The following PDE5A variants were observed in gnomAD, a reference collection of about 807,000 sequenced individuals.
The protein encoded by PDE5A is phosphodiesterase 5A, also known as cGMP-specific 3',5'-cyclic phosphodiesterase.
Under a neutral mutation model 110.2 loss-of-function variants are expected in PDE5A, and 67 were observed. That is an observed-to-expected ratio of 0.61 (90% CI 0.50 to 0.75). The LOEUF (loss-of-function observed/expected upper bound fraction) is 0.75. Among genes scored for constraint, PDE5A ranks in the 30% least tolerant of loss-of-function variants. The pLI, the probability that PDE5A is intolerant of heterozygous loss-of-function variation, is 0.00. For synonymous variants in PDE5A, 328 were observed against 351.2 expected (o/e 0.93, Z 0.74); for missense variants, 862 against 1,045.1 (o/e 0.82, Z 2.42).
chr4:119,580,685 G>C (rs778895071), intron 3 of PDE5A, among the ~76,000 whole-genome samples: 30 of 152,164 alleles, frequency 2.0e-4, no homozygotes, highest in Non-Finnish European at 3.4e-4. Context: ...ATGGAGAGAA[G>C]AAACTTGCTC....
At chr4:119,606,644 T>C in intron 2 of PDE5A, 65 bp downstream of exon 2, 1 of 1,137,358 alleles carries the variant, frequency 8.8e-7, no homozygotes, top group Non-Finnish European at 1.3e-6. Context: ...GCCCCAGCCA[T>C]AGTACCCGCC....
chr4:119,576,292 A>C lies in PDE5A; in HGVS notation c.832-9148T>G, dbSNP rs553906554. ...AGACAGATGAACGAGACAGAGAGTT[A>C]ACAAGGATATCCAGGACTTGAACTC... On this transcript the variant is annotated intron_variant, in intron 3 of 20. Transcript: ENST00000354960. 1.1e-4 allele frequency among the ~76,000 whole-genome samples: 17 copies of C among 152,328 alleles called. No individual in the cohort carries two copies. The East Asian group carries it at 3.3e-3, about 29-fold the overall frequency.
intron 9 of PDE5A, among the ~76,000 whole-genome samples, chr4:119,544,986 G>C (rs994086763): frequency 6.6e-6 from 1 of 152,008 alleles, no homozygotes; most frequent in African/African-American, 2.4e-5. Flanking sequence ...TATAGATATA[G>C]ATCTATAGGC....
chr4:119,618,610 C>T (rs746364000), intron 1 of PDE5A, among the ~76,000 whole-genome samples: 7 of 151,716 alleles, frequency 4.6e-5, no homozygotes, highest in Non-Finnish European at 7.4e-5. Flanking sequence ...TTTTTCAGTA[C>T]TACTTAGAGA....
chr4:119,553,455 T>A lies in PDE5A; in HGVS notation c.1308+183A>T, dbSNP rs536856047. Among the ~76,000 whole-genome samples, 6 of 152,270 alleles carry A rather than the reference T, an allele frequency of 3.9e-5. No individual in the cohort carries two copies. The South Asian group carries it at 1.0e-3, about 26-fold the overall frequency. On this transcript the variant is annotated intron_variant, in intron 8 of 20. Coordinates refer to ENST00000354960, the MANE Select transcript of PDE5A (RefSeq NM_001083.4). ...GGTGAAAAAAGTACAAAGAAAAATG[T>A]CCAGCTACAGCTCTCAATAGATGTT...
intron 1 of PDE5A, among the ~76,000 whole-genome samples, chr4:119,621,924 A>C (rs1035619044): frequency 6.6e-6 from 1 of 152,154 alleles, no homozygotes; most frequent in Non-Finnish European, 1.5e-5. Context: ...TAATCCCAGC[A>C]CTTTGGGAGG....
At chr4:119,584,718 C>T (rs1728696925) in intron 3 of PDE5A, among the ~76,000 whole-genome samples, 1 of 152,172 alleles carries the variant, frequency 6.6e-6, no homozygotes, top group Non-Finnish European at 1.5e-5. Flanking sequence ...CATTAGAAGG[C>T]TCTGCTTGAT....
At chr4:119,573,088 T>A (rs568754409) in intron 3 of PDE5A, among the ~76,000 whole-genome samples, 8 of 152,362 alleles carry the variant, frequency 5.3e-5, no homozygotes, top group African/African-American at 1.9e-4. Context: ...TCAATTCATA[T>A]AAATCTGGTT....
intron 3 of PDE5A, among the ~76,000 whole-genome samples, chr4:119,595,206 G>A (rs921059749): frequency 2.6e-5 from 4 of 152,120 alleles, no homozygotes; most frequent in African/African-American, 9.7e-5. Context: ...GGAGGAAGGA[G>A]AATAAATGTC....
intron 9 of PDE5A, 44 bp from the exon 10 acceptor site, chr4:119,542,678 C>A: frequency 6.4e-7 from 1 of 1,570,672 alleles, no homozygotes; most frequent in South Asian, 1.1e-5. Flanking sequence ...TGTTGATTAT[C>A]ATAGTTTTTG....
rs572634182 is a variant in PDE5A at position 119,495,573 on chromosome 4, C to G, written c.*3028G>C. The stretch of plus-strand genomic sequence containing the variant: ...ATTTGCTATGCTGAAAATAAAGGCA[C>G]TTCACTGCTAGGCAAGAATATATCT... On this transcript the variant is annotated 3_prime_UTR_variant, in exon 21 of 21. Transcript: ENST00000354960. The G allele has an allele frequency of 2.0e-5, 3 of 152,680 alleles. No homozygotes were observed. Among genetic ancestry groups the G allele is most frequent in the Admixed American group, 1.3e-4 (2 of 15,276 alleles). The allele number at this position is 152,680 out of a possible 1,614,324, so 9.5% of individuals were successfully genotyped here.
chr4:119,519,127 C>T lies in PDE5A; in HGVS notation c.1918G>A (p.Asp640Asn). ...KAGKIQNKLTDLEILALLIAA... is the reference protein window; with the variant it reads ...KAGKIQNKLTNLEILALLIAA... ...ATCAGCAATGCAAGTATCTCCAGGT[C>T]AGTCAGCTTGTTCTGCATGACCAAA... The change falls in exon 14 of 21, where the codon GAC (aspartate) becomes AAC (asparagine). Residue 640 changes from aspartate (D) to asparagine (N), a missense_variant. Coordinates refer to ENST00000354960, the MANE Select transcript of PDE5A (RefSeq NM_001083.4). 6.2e-7 allele frequency: 1 copy of T among 1,613,534 alleles called. No individual in the cohort carries two copies. Among genetic ancestry groups the T allele is most frequent in the Non-Finnish European group, 8.5e-7 (1 of 1,179,496 alleles).
intron 9 of PDE5A, chr4:119,548,071 C>T (rs1170049583): frequency 8.6e-5 from 7 of 81,312 alleles, no homozygotes; most frequent in East Asian, 4.1e-4. Context: ...TTTTTTGAGA[C>T]GGAGTCCCGC....
chr4:119,575,306 C>G (rs1728293747), intron 3 of PDE5A, among the ~76,000 whole-genome samples: 1 of 152,118 alleles, frequency 6.6e-6, no homozygotes, highest in South Asian at 2.1e-4. Context: ...GCAAGGCAGG[C>G]CAACATTCAA....
intron 9 of PDE5A, 98 bp from the exon 10 acceptor site, chr4:119,542,732 C>G (rs924702638): frequency 9.5e-7 from 1 of 1,051,256 alleles, no homozygotes; most frequent in Non-Finnish European, 1.4e-6. Flanking sequence ...ACACTTTTCT[C>G]TTAGGAATGC....
intron 1 of PDE5A, among the ~76,000 whole-genome samples, chr4:119,614,208 C>T (rs777654045): frequency 2.0e-4 from 30 of 151,912 alleles, no homozygotes; most frequent in Non-Finnish European, 3.5e-4. Context: ...CTATGTTTCT[C>T]TGAAAACAGG....
chr4:119,591,379 CA>C (rs1407725889), intron 3 of PDE5A, among the ~76,000 whole-genome samples: 1 of 151,750 alleles, frequency 6.6e-6, no homozygotes, highest in African/African-American at 2.4e-5. Flanking sequence ...CCTCATTTTG[CA>C]GATGAGGAAA....
intron 1 of PDE5A, among the ~76,000 whole-genome samples, chr4:119,626,022 T>C (rs949833184): frequency 6.6e-6 from 1 of 152,222 alleles, no homozygotes; most frequent in African/African-American, 2.4e-5. Context: ...TTAAATATTT[T>C]ACACTTTCAT....
chr4:119,501,248 T>C lies in PDE5A; in HGVS notation c.2412A>G (p.Leu804=). 1 of 1,594,736 alleles carries C rather than the reference T, an allele frequency of 6.3e-7. No individual in the cohort carries two copies. Among genetic ancestry groups the C allele is most frequent in the South Asian group, 1.1e-5 (1 of 90,630 alleles). ...RKELNIEPTD[L]MNREKKNKIP... is the part of the protein sequence containing the mutation. ...TTTTGTTTTTCTTCTCCCTGTTCAT[T>C]AGATCCTGAAAATACAAATACAGAC... Residue 804 remains leucine, a synonymous_variant, in exon 20 of 21, where the codon CTA becomes CTG. Transcript: ENST00000354960.
Sources: gnomAD v4.1 joint callset for allele counts (sites outside exome capture counted in the v4.1 genomes callset) on GRCh38, gnomAD v4.1.1 for gene constraint, MANE v1.5 for transcripts, NCBI Gene and HGNC (gene_info 2026-07-23, HGNC 2026-07-21) for gene names.